THRB: variants seen among roughly 807,000 people sequenced by gnomAD.
THRB encodes nuclear receptor subfamily 1 group A member 2.
Under a neutral mutation model 47.8 loss-of-function variants are expected in THRB, and 12 were observed. The ratio of observed to expected loss-of-function variants is 0.25; its 90% CI spans 0.16 to 0.41. The LOEUF is 0.41. Among genes scored for constraint, THRB ranks in the 10% least tolerant of loss-of-function variants. THRB has a pLI of 1.00. For missense variants in THRB, 348 were observed against 589.2 expected, an observed-to-expected ratio of 0.59 and a Z score of 4.24; for synonymous variants, 218 against 212.2, an observed-to-expected ratio of 1.03 and a Z score of -0.24.
chr3:24,473,830 T>C (rs529598034), intron 1 of THRB, among the ~76,000 whole-genome samples: 1 of 152,150 alleles, frequency 6.6e-6, no homozygotes, highest in Non-Finnish European at 1.5e-5. Context: ...CAGCAAACTA[T>C]CACAGGAACA....
rs2074208885 is a variant in THRB at position 24,466,995 on chromosome 3, C to T, written c.-261+27657G>A. On this transcript the variant is annotated intron_variant, in intron 1 of 10. Coordinates refer to ENST00000646209, the MANE Select transcript of THRB (RefSeq NM_001354712.2). Reference sequence around the variant, plus strand: ...TATGATGCTGTTTGATAGAATTTTGCCCACAGTGGAACTCCTTTCAGAATT... The same window carrying T: ...TATGATGCTGTTTGATAGAATTTTGTCCACAGTGGAACTCCTTTCAGAATT... Among the ~76,000 whole-genome samples, 11 of 152,174 alleles carry T rather than the reference C, an allele frequency of 7.2e-5. No homozygotes were observed. The South Asian group carries it at 2.3e-3, about 32-fold the overall frequency.
intron 3 of THRB, among the ~76,000 whole-genome samples, chr3:24,286,091 C>G (rs372394571): frequency 6.6e-5 from 10 of 152,156 alleles, no homozygotes; most frequent in African/African-American, 2.4e-4. Flanking sequence ...GAGAAGACAA[C>G]CATATGCAAA....
intron 5 of THRB, among the ~76,000 whole-genome samples, chr3:24,170,843 A>C (rs1190256300): frequency 6.6e-6 from 1 of 152,192 alleles, no homozygotes; most frequent in Non-Finnish European, 1.5e-5. Flanking sequence ...TCTCTGCACC[A>C]AAATCCATGT....
intron 3 of THRB, among the ~76,000 whole-genome samples, chr3:24,247,882 T>C (rs1334431915): frequency 6.6e-6 from 1 of 152,126 alleles, no homozygotes; most frequent in Non-Finnish European, 1.5e-5. Context: ...AAAAATAAAG[T>C]TTATAGCTCA....
At chr3:24,373,979 T>G (rs1326984139) in intron 1 of THRB, among the ~76,000 whole-genome samples, 1 of 152,062 alleles carries the variant, frequency 6.6e-6, no homozygotes, top group African/African-American at 2.4e-5. Flanking sequence ...AAATCTTCTT[T>G]CACTACATGG....
chr3:24,201,925 G>C (rs917743670), intron 4 of THRB, among the ~76,000 whole-genome samples: 1 of 152,120 alleles, frequency 6.6e-6, no homozygotes, highest in Admixed American at 6.5e-5. Context: ...CACTCATTTT[G>C]ATCAGTTTTC....
chr3:24,165,080 T>C (rs916861212), intron 5 of THRB: 1 of 764,688 alleles, frequency 1.3e-6, no homozygotes, highest in Admixed American at 1.7e-5. Context: ...AGGCTTTTCT[T>C]CAGTGAAATA....
intron 1 of THRB, among the ~76,000 whole-genome samples, chr3:24,369,180 T>C (rs187547709): frequency 2.6e-4 from 39 of 152,180 alleles, no homozygotes; most frequent in African/African-American, 9.1e-4. Flanking sequence ...TTGGAAGACA[T>C]AAATAAATGC....
intron 3 of THRB, among the ~76,000 whole-genome samples, chr3:24,242,101 A>T (rs7640649): frequency 1.8e-4 from 27 of 152,102 alleles, no homozygotes; most frequent in African/African-American, 6.5e-4. Context: ...CACCTCTGAG[A>T]GGTTGCCAAC....
intron 4 of THRB, among the ~76,000 whole-genome samples, chr3:24,200,708 G>A (rs1410145588): frequency 6.6e-6 from 1 of 152,216 alleles, no homozygotes; most frequent in Non-Finnish European, 1.5e-5. Flanking sequence ...GATCATGGCA[G>A]ATAGTTTTTA....
intron 4 of THRB, among the ~76,000 whole-genome samples, chr3:24,226,010 C>T (rs887301763): frequency 8.5e-5 from 13 of 152,086 alleles, no homozygotes; most frequent in Non-Finnish European, 1.6e-4. Context: ...ATTATTCATT[C>T]GAGTTAGTGC....
intron 1 of THRB, among the ~76,000 whole-genome samples, chr3:24,452,471 C>T (rs2072756643): frequency 6.6e-6 from 1 of 152,012 alleles, no homozygotes; most frequent in Admixed American, 6.6e-5. Flanking sequence ...GGAGAAGTGT[C>T]CAAGTCATCC....
At chr3:24,325,427 C>G (rs539988740) in intron 2 of THRB, among the ~76,000 whole-genome samples, 12 of 152,220 alleles carry the variant, frequency 7.9e-5, no homozygotes, top group Non-Finnish European at 1.3e-4. Flanking sequence ...TGGTTTATGC[C>G]TGTAGTCCCA....
chr3:24,471,486 T>A (rs2074567599), intron 1 of THRB, among the ~76,000 whole-genome samples: 1 of 152,208 alleles, frequency 6.6e-6, no homozygotes, highest in Non-Finnish European at 1.5e-5. Flanking sequence ...AATGTTGTGG[T>A]TTTAAATCCT....
intron 1 of THRB, among the ~76,000 whole-genome samples, chr3:24,444,102 T>C (rs149168729): frequency 6.6e-6 from 1 of 152,200 alleles, no homozygotes; most frequent in African/African-American, 2.4e-5. Flanking sequence ...AAATCTATCA[T>C]CAAATAAATA....
intron 1 of THRB, among the ~76,000 whole-genome samples, chr3:24,436,024 G>GAA (rs1560181320): frequency 6.6e-6 from 1 of 152,090 alleles, no homozygotes; most frequent in African/African-American, 2.4e-5. Flanking sequence ...GATTGGGAGA[G>GAA]AATTAAAAAT....
chr3:24,326,349 C>T (rs1467114125), intron 2 of THRB, among the ~76,000 whole-genome samples: 1 of 152,182 alleles, frequency 6.6e-6, no homozygotes, highest in Non-Finnish European at 1.5e-5. Flanking sequence ...AATTCTCTTG[C>T]CTCAGCCTCC....
At chr3:24,284,784 C>G (rs9758725) in intron 3 of THRB, among the ~76,000 whole-genome samples, 4,098 of 144,880 alleles carry the variant, frequency 0.028, 238 homozygotes, top group African/African-American at 0.098. Flanking sequence ...CATGAACAGA[C>G]ACTTCTCAAA....
intron 2 of THRB, among the ~76,000 whole-genome samples, chr3:24,331,557 T>C (rs2061929770): frequency 6.6e-6 from 1 of 152,212 alleles, no homozygotes; most frequent in South Asian, 2.1e-4. Context: ...AAATCATTGC[T>C]ATTGGTGGTA....
Sources: allele counts gnomAD v4.1 joint callset (sites outside exome capture counted in the v4.1 genomes callset), GRCh38; gene constraint gnomAD v4.1.1; transcripts MANE v1.5; gene names NCBI Gene and HGNC (gene_info 2026-07-23, HGNC 2026-07-21).